Variants in CPNE8 observed in about 807,000 individuals in gnomAD.
CPNE8 encodes copine 8, also known as copine-8.
A neutral mutation model predicts 81.5 loss-of-function variants in CPNE8; 45 were observed. The ratio of observed to expected loss-of-function variants is 0.55; its 90% CI spans 0.44 to 0.71. The LOEUF (loss-of-function observed/expected upper bound fraction) is 0.71. Among genes scored for constraint, CPNE8 ranks in the 30% least tolerant of loss-of-function variants. The probability of loss-of-function intolerance (pLI) is 0.00; values close to 1 mark genes in which losing one functional copy is unlikely to be tolerated. For missense variants in CPNE8, 594 were observed against 672.1 expected (o/e 0.88, Z 1.28); for synonymous variants, 252 against 226.3 (o/e 1.11, Z -1.02).
chr12:38,699,420 C>A (rs1939879114), intron 14 of CPNE8, among the ~76,000 whole-genome samples: 1 of 152,194 alleles, frequency 6.6e-6, no homozygotes, highest in Non-Finnish European at 1.5e-5. Flanking sequence ...GTGCCCCGAT[C>A]CTTATGTCAA....
chr12:38,688,999 G>T (rs1363098347), intron 15 of CPNE8, among the ~76,000 whole-genome samples: 1 of 152,144 alleles, frequency 6.6e-6, no homozygotes, highest in African/African-American at 2.4e-5. Context: ...CTCATTTCTT[G>T]AAATAATTAT....
At chr12:38,905,722 A>G (rs1215982374), upstream of CPNE8, 4 of 1,430,552 alleles carry the variant, frequency 2.8e-6, no homozygotes, top group South Asian at 1.4e-5. Flanking sequence ...GGGAACCGCT[A>G]GCCAGTCCTG....
intron 9 of CPNE8, among the ~76,000 whole-genome samples, chr12:38,761,850 C>A (rs985185337): frequency 2.0e-5 from 3 of 152,156 alleles, no homozygotes; most frequent in African/African-American, 7.2e-5. Context: ...CATAGTGTTG[C>A]AACTTTCGTG....
intron 6 of CPNE8, among the ~76,000 whole-genome samples, chr12:38,805,737 C>T (rs1366085416): frequency 7.2e-6 from 1 of 139,460 alleles, no homozygotes; most frequent in Non-Finnish European, 1.6e-5. Flanking sequence ...TAGCAGAAGG[C>T]AAGAAATAAC....
chr12:38,771,907 G>A (rs1377750263), intron 7 of CPNE8, among the ~76,000 whole-genome samples: 4 of 152,164 alleles, frequency 2.6e-5, no homozygotes, highest in Admixed American at 1.3e-4. Context: ...TGCTGTGGTT[G>A]CTATGACTTG....
chr12:38,789,438 T>A (rs1303865886), intron 6 of CPNE8, among the ~76,000 whole-genome samples: 2 of 151,930 alleles, frequency 1.3e-5, no homozygotes, highest in Non-Finnish European at 2.9e-5. Context: ...TTTTGCTATA[T>A]ACAAAAATCA....
intron 13 of CPNE8, among the ~76,000 whole-genome samples, chr12:38,709,746 C>G (rs760702718): frequency 6.6e-6 from 1 of 152,090 alleles, no homozygotes; most frequent in Admixed American, 6.6e-5. Context: ...TCTGATGCTC[C>G]CATGTCAGAT....
At chr12:38,656,320 A>G (rs1488330265) in intron 19 of CPNE8, among the ~76,000 whole-genome samples, 2 of 79,346 alleles carry the variant, frequency 2.5e-5, no homozygotes, top group Admixed American at 1.4e-4. Context: ...TGGTCTTTAG[A>G]CTTTTTTTTT....
intron 3 of CPNE8, among the ~76,000 whole-genome samples, chr12:38,858,982 C>T (rs534956539): frequency 7.9e-5 from 12 of 152,226 alleles, no homozygotes; most frequent in South Asian, 2.1e-4. Flanking sequence ...GTAAAGCCTA[C>T]GGCAACATCA....
In CPNE8 at chr12:38,806,702, A is replaced by G. The variant is rs879351437; in HGVS notation, c.407+22677T>C. On this transcript the variant is annotated intron_variant, in intron 6 of 19. Transcript: ENST00000331366. ...CTTTGAAAACTGGCACAAGACAGGG[A>G]TGCCCTCTCTCACCACTCCTATTCA... Among the ~76,000 whole-genome samples, 152 of 140,740 alleles carry G rather than the reference A, an allele frequency of 1.1e-3. 8 individuals carry two copies. Among genetic ancestry groups the G allele is most frequent in the Middle Eastern group, 3.6e-3 (1 of 276 alleles). 92.3% of individuals were successfully genotyped at this position (140,740 alleles called of 152,430 possible).
At chr12:38,654,154 T>A (rs1207063221) in intron 19 of CPNE8, 84 bp from the exon 20 acceptor site, 1 of 1,432,310 alleles carries the variant, frequency 7.0e-7, no homozygotes, top group Non-Finnish European at 9.2e-7. Flanking sequence ...TGTACACATT[T>A]GGTCATAGGA....
intron 6 of CPNE8, among the ~76,000 whole-genome samples, chr12:38,791,441 A>C (rs1942321320): frequency 6.6e-6 from 1 of 151,672 alleles, no homozygotes; most frequent in African/African-American, 2.4e-5. Flanking sequence ...TAATTATTAA[A>C]ACATTTCTGA....
chr12:38,754,829 G>A (rs1006003157), intron 10 of CPNE8, among the ~76,000 whole-genome samples: 4 of 152,038 alleles, frequency 2.6e-5, no homozygotes, highest in Admixed American at 1.3e-4. Flanking sequence ...GAAGTGATAC[G>A]TAAGGGAACA....
intron 10 of CPNE8, among the ~76,000 whole-genome samples, chr12:38,741,942 A>G (rs1482658051): frequency 6.6e-6 from 1 of 152,252 alleles, no homozygotes; most frequent in Non-Finnish European, 1.5e-5. Flanking sequence ...ATCACTTGCC[A>G]TCAGAGAAAT....
chr12:38,750,373 C>T (rs1298409960), intron 10 of CPNE8, among the ~76,000 whole-genome samples: 1 of 152,092 alleles, frequency 6.6e-6, no homozygotes, highest in East Asian at 1.9e-4. Flanking sequence ...TCCTCCAGAC[C>T]CCAGAATGGT....
intron 10 of CPNE8, 79 bp from the exon 11 acceptor site, chr12:38,730,437 T>A: frequency 1.4e-6 from 1 of 713,812 alleles, no homozygotes; most frequent in Non-Finnish European, 2.4e-6. Context: ...TAGAAAGGTT[T>A]AATCATTATC....
At chr12:38,686,306 G>A (rs1012344122) in intron 15 of CPNE8, among the ~76,000 whole-genome samples, 1 of 152,156 alleles carries the variant, frequency 6.6e-6, no homozygotes, top group Admixed American at 6.5e-5. Context: ...AAAGGGAAAT[G>A]GAGCTTGTTG....
chr12:38,717,458 T>TATATATATATATAC (rs1339046227), intron 13 of CPNE8, among the ~76,000 whole-genome samples: 13 of 138,736 alleles, frequency 9.4e-5, no homozygotes, highest in Admixed American at 1.4e-4. Context: ...TATATATATA[T>TATATATATATATAC]ACACCATGGA....
intron 4 of CPNE8, among the ~76,000 whole-genome samples, chr12:38,842,727 G>A (rs1221759652): frequency 6.6e-6 from 1 of 151,496 alleles, no homozygotes; most frequent in Non-Finnish European, 1.5e-5. Context: ...ATAGGTGCCC[G>A]CCATCACACC....
Sources: gnomAD v4.1 joint callset for allele counts (sites outside exome capture counted in the v4.1 genomes callset) on GRCh38, gnomAD v4.1.1 for gene constraint, MANE v1.5 for transcripts, NCBI Gene and HGNC (gene_info 2026-07-23, HGNC 2026-07-21) for gene names.